Variants in DPH6 observed in about 807,000 individuals in gnomAD.
DPH6 encodes diphthine--ammonia ligase.
A neutral mutation model predicts 38.2 loss-of-function variants in DPH6; 33 were observed. The ratio of observed to expected loss-of-function variants is 0.86; its 90% confidence interval spans 0.65 to 1.15. The LOEUF is 1.15. DPH6 is among the 50% of genes most tolerant of loss of function. The pLI is 0.00. For synonymous variants in DPH6, 108 were observed against 103.0 expected (o/e 1.05, Z -0.30); for missense variants, 325 against 320.0 (o/e 1.02, Z -0.12).
the DPH6 span, among the ~76,000 whole-genome samples, chr15:35,155,486 G>C: frequency 6.6e-6 from 1 of 152,284 alleles, no homozygotes. Context: ...GATGGGACTA[G>C]GTCTTTCAGC....
Position 35,284,004 on chromosome 15 carries a change from T to C in DPH6, n.201-63422A>G, listed in dbSNP as rs72708922. On this transcript the variant is annotated intron_variant and non_coding_transcript_variant, in intron 3 of 3. Transcript: ENST00000560386. ...CATTAAGCATAAATTTTAAAATCCA[T>C]TACTTTTAATCCAGTTCGGAGGGGC... is the stretch of plus-strand genomic sequence containing the variant. 3.1e-3 allele frequency among the ~76,000 whole-genome samples: 467 copies of C among 152,320 alleles called. 2 individuals are homozygous for C. The highest frequency in any genetic ancestry group is 0.017 in the Middle Eastern group (5 of 294).
At chr15:35,505,275 A>AGCAGTGTGATTTCTACTATGCT (rs2054679657) in intron 3 of DPH6, among the ~76,000 whole-genome samples, 1 of 152,074 alleles carries the variant, frequency 6.6e-6, no homozygotes, top group South Asian at 2.1e-4. Context: ...GCAACCAGAA[A>AGCAGTGTGATTTCTACTATGCT]GCAGTGTGAT....
chr15:35,285,314 C>A (rs2051933522), intron 3 of DPH6, among the ~76,000 whole-genome samples: 1 of 152,154 alleles, frequency 6.6e-6, no homozygotes, highest in African/African-American at 2.4e-5. Context: ...GTTGCTCCCA[C>A]AATTCCCACG....
chr15:35,522,972 G>C (rs2141240528), intron 3 of DPH6, among the ~76,000 whole-genome samples: 1 of 152,010 alleles, frequency 6.6e-6, no homozygotes, highest in Admixed American at 6.6e-5. Flanking sequence ...GTATAGATAT[G>C]TCATAATTTA....
intron 3 of DPH6, among the ~76,000 whole-genome samples, chr15:35,236,098 A>T (rs148093772): frequency 6.6e-6 from 1 of 152,348 alleles, no homozygotes; most frequent in African/African-American, 2.4e-5. Flanking sequence ...TTACTCTCAT[A>T]TGCATAAATA....
chr15:35,161,358 C>T, the DPH6 span, among the ~76,000 whole-genome samples: 4 of 151,940 alleles, frequency 2.6e-5, no homozygotes, highest in Middle Eastern at 3.4e-3. Flanking sequence ...TTATGAGAAG[C>T]CTTCCAGATT....
intron 1 of DPH6, 46 bp downstream of exon 1, chr15:35,546,073 G>A (rs944848032): frequency 3.6e-5 from 49 of 1,342,638 alleles, no homozygotes; most frequent in Non-Finnish European, 4.7e-5. Context: ...TGGAAGGGAC[G>A]AGAGCCTGGC....
chr15:35,366,228 T>TG (rs2052657653), downstream of DPH6, among the ~76,000 whole-genome samples: 5 of 144,378 alleles, frequency 3.5e-5, no homozygotes, highest in South Asian at 1.1e-3. Context: ...TTTAGTCATC[T>TG]TGTGTGTGTG....
rs145412578 is a variant in DPH6, at chr15:35,503,630, G to A, written c.312+34644C>T. ...ATCCCATCATTTCCAAATCTTCCTG[G>A]ATCTTGTTCAATTGATTGTTCCTTT... On this transcript the variant is annotated intron_variant, in intron 3 of 8. Transcript: ENST00000256538. 3.9e-5 allele frequency among the ~76,000 whole-genome samples: 6 copies of A among 152,076 alleles called. No individual in the cohort carries two copies. The East Asian group carries it at 1.2e-3, about 29-fold the overall frequency.
At chr15:35,338,914 C>T (rs1433494901) in intron 3 of DPH6, among the ~76,000 whole-genome samples, 1 of 152,088 alleles carries the variant, frequency 6.6e-6, no homozygotes, top group East Asian at 1.9e-4. Flanking sequence ...CCATCATTCT[C>T]AGCAAACTAT....
intron 3 of DPH6, among the ~76,000 whole-genome samples, chr15:35,230,991 T>C (rs1047505429): frequency 6.6e-6 from 1 of 152,206 alleles, no homozygotes; most frequent in Non-Finnish European, 1.5e-5. Flanking sequence ...GTGATGCCCG[T>C]ACTCCCTTAG....
chr15:35,199,044 C>T, the DPH6 span, among the ~76,000 whole-genome samples: 3 of 151,894 alleles, frequency 2.0e-5, no homozygotes, highest in Non-Finnish European at 2.9e-5. Flanking sequence ...CTTAGCCTCC[C>T]GAGTAGCTGG....
chr15:35,283,757 T>TACACACACACACAC lies in DPH6; in HGVS notation n.201-63189_201-63176dup, dbSNP rs3028682. Among the ~76,000 whole-genome samples the TACACACACACACAC allele has an allele frequency of 1.1e-3, 159 of 140,578 alleles. 1 individual carries two copies. The highest frequency in any genetic ancestry group is 3.9e-3 in the African/African-American group (150 of 38,272). 92.2% of individuals were successfully genotyped at this position (140,578 alleles called of 152,430 possible). A position where few individuals can be genotyped will look rare whatever the true frequency, so the allele number is the denominator to read the frequency against. On this transcript the variant is annotated intron_variant and non_coding_transcript_variant, in intron 3 of 3. Transcript: ENST00000560386. The stretch of plus-strand genomic sequence containing the variant: ...TACTTTTTTCATTGGGCACAGATAG[T>TACACACACACACAC]ACACACACACACACACACACACACA...
intron 3 of DPH6, among the ~76,000 whole-genome samples, chr15:35,295,200 A>C (rs962796522): frequency 2.0e-5 from 3 of 152,158 alleles, no homozygotes; most frequent in African/African-American, 7.2e-5. Context: ...ATTTCAGTCC[A>C]AGCCTCCCAA....
rs190565379 is a variant in DPH6 at position 35,440,666 on chromosome 15, G to A, written c.505+10019C>T. On this transcript the variant is annotated intron_variant, in intron 5 of 8. Coordinates refer to ENST00000256538, the MANE Select transcript of DPH6 (RefSeq NM_080650.4). The stretch of plus-strand genomic sequence containing the variant: ...TGATAGAGGCAGGAGGCAGATAAGG[G>A]AACCCGCACAGGGTCTTGCCTGGGC... Among the ~76,000 whole-genome samples the A allele has an allele frequency of 1.3e-3, 192 of 152,292 alleles. 1 individual carries two copies. In the Middle Eastern group the frequency reaches 0.017, roughly 13 times the overall value.
the DPH6 span, among the ~76,000 whole-genome samples, chr15:35,148,235 A>G: frequency 5.3e-5 from 8 of 152,280 alleles, no homozygotes; most frequent in African/African-American, 1.9e-4. Context: ...CAGTAAAGTT[A>G]TTTCATTTTT....
In DPH6 at chr15:35,279,068, A is replaced by AAAAAAATAAATAAATATATAT. The variant is rs1555390826; in HGVS notation, n.201-58487_201-58486insATATATATTTATTTATTTTTT. Among the ~76,000 whole-genome samples the AAAAAAATAAATAAATATATAT allele has an allele frequency of 5.8e-5, 6 of 102,974 alleles. No individual in the cohort carries two copies. In the East Asian group the frequency reaches 2.1e-3, roughly 36 times the overall value. 67.6% of individuals were successfully genotyped at this position (102,974 alleles called of 152,430 possible). A position where few individuals can be genotyped will look rare whatever the true frequency, so the allele number is the denominator to read the frequency against. On this transcript the variant is annotated intron_variant and non_coding_transcript_variant, in intron 3 of 3. Coordinates refer to the DPH6 transcript ENST00000560386. ...TGTCTCAAAAAAAAAAAAAAAAAAA[A>AAAAAAATAAATAAATATATAT]ATATATATATATATATAATTTTGGA...
intron 3 of DPH6, among the ~76,000 whole-genome samples, chr15:35,308,584 T>C (rs2052113267): frequency 6.6e-6 from 1 of 152,118 alleles, no homozygotes; most frequent in Admixed American, 6.5e-5. Flanking sequence ...GGATAACCCA[T>C]AATTGGAAAG....
At chr15:35,486,686 CT>C (rs2054402969) in intron 3 of DPH6, among the ~76,000 whole-genome samples, 1 of 152,034 alleles carries the variant, frequency 6.6e-6, no homozygotes, top group East Asian at 1.9e-4. Flanking sequence ...CATTCTGCCC[CT>C]GACCCTCCCA....
Sources: gnomAD v4.1 joint callset for allele counts (sites outside exome capture counted in the v4.1 genomes callset) on GRCh38, gnomAD v4.1.1 for gene constraint, MANE v1.5 for transcripts, NCBI Gene and HGNC (gene_info 2026-07-23, HGNC 2026-07-21) for gene names.